The following SYNJ2 variants were observed in gnomAD, a reference collection of about 807,000 sequenced individuals.
SYNJ2 encodes synaptojanin 2.
A neutral mutation model predicts 141.3 loss-of-function variants in SYNJ2; 116 were observed. The ratio of observed to expected loss-of-function variants is 0.82; its 90% CI spans 0.71 to 0.96. The LOEUF (loss-of-function observed/expected upper bound fraction) is 0.96, where lower values mean the gene tolerates loss of function less well. Ranked by LOEUF, SYNJ2 falls within the 40% of genes least tolerant of loss-of-function variation. The pLI is 0.00. For synonymous variants in SYNJ2, 745 were observed against 777.7 expected (o/e 0.96, Z 0.70); for missense variants, 1,873 against 1,934.8 (o/e 0.97, Z 0.60).
chr6:158,083,931 C>A, intron 21 of SYNJ2, 70 bp from the exon 22 acceptor site: 1 of 1,554,446 alleles, frequency 6.4e-7, no homozygotes, highest in Non-Finnish European at 8.9e-7. Context: ...GAACCAGTCC[C>A]ACTGATGGAA....
chr6:158,081,161 C>G lies in SYNJ2; in HGVS notation c.2620C>G (p.Arg874Gly). 6.2e-7 allele frequency: 1 copy of G among 1,613,930 alleles called. No individual in the cohort carries two copies. The stretch of plus-strand genomic sequence containing the variant: ...AGTTCAGGAAGTCGATGTGGGTGCT[C>G]GGGAGAGGGTTTTCCAGGAAGTGTC... ...VEVQEVDVGA[R>G]ERVFQEVSSF... is the part of the protein sequence containing the mutation. Residue 874 changes from arginine to glycine, a missense_variant, in exon 19 of 27, where the codon CGG becomes GGG. By Grantham distance (125) the Arg-to-Gly change is moderately radical. Transcript: ENST00000355585.
chr6:158,078,365 C>G, intron 18 of SYNJ2, 84 bp downstream of exon 18: 2 of 880,566 alleles, frequency 2.3e-6, no homozygotes, highest in Non-Finnish European at 3.7e-6. Flanking sequence ...ATGCTGTCCC[C>G]ATAAGGATGT....
At chr6:158,090,541 T>TG (rs1783369170) in intron 25 of SYNJ2, among the ~76,000 whole-genome samples, 1 of 138,916 alleles carries the variant, frequency 7.2e-6, no homozygotes, top group Non-Finnish European at 1.6e-5. Context: ...TTTTTTTTTT[T>TG]GTTTTTTTTT....
rs1781857474 is a variant in SYNJ2, at chr6:158,070,604, T to C, written c.1940+931T>C. The C allele has an allele frequency of 2.8e-6, 2 of 714,972 alleles. No homozygotes were observed. Among genetic ancestry groups the C allele is most frequent in the South Asian group, 6.3e-5 (1 of 15,808 alleles). The allele number at this position is 714,972 out of a possible 1,614,324, so 44.3% of individuals were successfully genotyped here. On this transcript the variant is annotated intron_variant, in intron 14 of 26. Coordinates refer to ENST00000355585, the MANE Select transcript of SYNJ2 (RefSeq NM_003898.4). The surrounding 1 kb of genome is among the most constrained non-coding windows in gnomAD (Gnocchi z 4.0). ...GGAGAGCCAGGTTTCCCAGGCTCGG[T>C]GTCCTCGGCTTCACGTGCCTTTAGC...
intron 1 of SYNJ2, among the ~76,000 whole-genome samples, chr6:158,011,139 C>T (rs987561265): frequency 1.3e-5 from 2 of 151,924 alleles, no homozygotes; most frequent in East Asian, 3.9e-4. Context: ...CACATAACAA[C>T]GAGGGGACAT....
intron 3 of SYNJ2, chr6:158,030,664 G>C (rs1311660633): frequency 1.3e-5 from 2 of 152,354 alleles, no homozygotes; most frequent in Non-Finnish European, 2.9e-5. Context: ...GGCCAAGGCA[G>C]GCGGATCACC....
chr6:158,065,051 C>A, intron 11 of SYNJ2, 60 bp downstream of exon 11: 1 of 1,466,902 alleles, frequency 6.8e-7, no homozygotes, highest in South Asian at 1.4e-5. Flanking sequence ...GCCCCACTTT[C>A]CCACCGCCTC....
intron 22 of SYNJ2, among the ~76,000 whole-genome samples, chr6:158,086,017 C>T (rs1032180361): frequency 6.6e-6 from 1 of 152,150 alleles, no homozygotes; most frequent in African/African-American, 2.4e-5. Flanking sequence ...CATGAAGAAA[C>T]TAATAGCGCA....
At chr6:158,046,962 C>A (rs1220733037) in intron 5 of SYNJ2, among the ~76,000 whole-genome samples, 1 of 151,974 alleles carries the variant, frequency 6.6e-6, no homozygotes, top group Non-Finnish European at 1.5e-5. Flanking sequence ...AAGTTTCCTG[C>A]AACTGAACCA....
chr6:158,029,015 C>T lies in SYNJ2; in HGVS notation c.474C>T (p.Asn158=), dbSNP rs776463631. Residue 158 remains asparagine (N), a synonymous_variant, in exon 3 of 27, where the codon AAC becomes AAT. Transcript: ENST00000355585. The stretch of plus-strand genomic sequence containing the variant: ...GGGATGACAGCTCTGAATGGGGGAA[C>T]TCCTTCTTCTGGTGAGGCCCTGGGT... ...KQGDDSSEWG[N]SFFWNQLLHV... 12 of 1,433,776 alleles carry T rather than the reference C, an allele frequency of 8.4e-6. No individual in the cohort carries two copies. The highest frequency in any genetic ancestry group is 2.5e-5 in the African/African-American group (1 of 40,038). 88.8% of individuals were successfully genotyped at this position (1,433,776 alleles called of 1,614,324 possible).
chr6:158,023,490 G>C (rs1330362688), intron 2 of SYNJ2, among the ~76,000 whole-genome samples: 2 of 152,086 alleles, frequency 1.3e-5, no homozygotes, highest in African/African-American at 4.8e-5. Flanking sequence ...AGAGGCCTCT[G>C]TGGTTACACC....
chr6:158,043,564 G>A lies in SYNJ2; in HGVS notation c.795+165G>A, dbSNP rs567378320. ...AGCTGAGCTATCAAAGTGTGCACACGTGTGTGCATATGCATGCGTGCGTGT... is the reference window on the plus strand; with the variant it reads ...AGCTGAGCTATCAAAGTGTGCACACATGTGTGCATATGCATGCGTGCGTGT... On this transcript the variant is annotated intron_variant, in intron 5 of 26. Transcript: ENST00000355585. The surrounding 1 kb of genome is among the most constrained non-coding windows in gnomAD (Gnocchi z 4.0). Among the ~76,000 whole-genome samples the A allele has an allele frequency of 2.0e-5, 3 of 152,170 alleles. No individual in the cohort carries two copies. The highest frequency in any genetic ancestry group is 1.9e-4 in the East Asian group (1 of 5,184).
At chr6:157,998,492 G>A (rs558612495) in intron 1 of SYNJ2, among the ~76,000 whole-genome samples, 1 of 152,200 alleles carries the variant, frequency 6.6e-6, no homozygotes, top group Non-Finnish European at 1.5e-5. Flanking sequence ...GGGAACCAGA[G>A]CTAGATAATT....
rs186036848 is a variant in SYNJ2 at position 158,031,703 on chromosome 6, T to C, written c.486-1752T>C. Among the ~76,000 whole-genome samples, 66 of 152,142 alleles carry C rather than the reference T, an allele frequency of 4.3e-4. 1 individual carries two copies. The highest frequency in any genetic ancestry group is 1.6e-3 in the African/African-American group (66 of 41,530). ...ACATAAGGCAGAGTGAGCAGCAGGG[T>C]GAAGTCATCTTTCTGGGCTGGTAAT... is the stretch of plus-strand genomic sequence containing the variant. On this transcript the variant is annotated intron_variant, in intron 3 of 26. Coordinates refer to ENST00000355585, the MANE Select transcript of SYNJ2 (RefSeq NM_003898.4).
At chr6:158,072,835 C>T (rs1208370126) in intron 15 of SYNJ2, among the ~76,000 whole-genome samples, 1 of 151,768 alleles carries the variant, frequency 6.6e-6, no homozygotes, top group Non-Finnish European at 1.5e-5. Context: ...TTTGGGAGGC[C>T]GAGGCGGGCA....
intron 25 of SYNJ2, among the ~76,000 whole-genome samples, chr6:158,091,955 T>C (rs1391942969): frequency 6.6e-6 from 1 of 151,624 alleles, no homozygotes; most frequent in Non-Finnish European, 1.5e-5. Flanking sequence ...GGGTGGGGAG[T>C]GGCTGCTGTG....
At chr6:158,093,670 C>T (rs1234941801) in intron 26 of SYNJ2, among the ~76,000 whole-genome samples, 5 of 152,166 alleles carry the variant, frequency 3.3e-5, no homozygotes, top group East Asian at 3.9e-4. Context: ...AGGTATTATG[C>T]TTCCTAAGTG....
rs1779857091 is a variant in SYNJ2, at chr6:158,040,022, T to C, written c.712-3294T>C. 6.6e-6 allele frequency among the ~76,000 whole-genome samples: 1 copy of C among 152,180 alleles called. No individual in the cohort carries two copies. The highest frequency in any genetic ancestry group is 1.5e-5 in the Non-Finnish European group (1 of 68,026). On this transcript the variant is annotated intron_variant, in intron 4 of 26. Transcript: ENST00000355585. The surrounding 1 kb of genome is among the most constrained non-coding windows in gnomAD (Gnocchi z 4.2). ...CAGACTGGCTCCCTGTGGTGGGGAC[T>C]CTTGGCAGGCGGATCGGCTTCTTAG...
chr6:158,072,310 C>T (rs1169061329), intron 15 of SYNJ2, among the ~76,000 whole-genome samples: 2 of 152,254 alleles, frequency 1.3e-5, no homozygotes, highest in East Asian at 3.9e-4. Context: ...GTCCTCGAAG[C>T]TGCAATAGCG....
Sources: allele counts gnomAD v4.1 joint callset (sites outside exome capture counted in the v4.1 genomes callset), GRCh38; gene constraint gnomAD v4.1.1; non-coding constraint Gnocchi (gnomAD v3.1); transcripts MANE v1.5; gene names NCBI Gene and HGNC (gene_info 2026-07-23, HGNC 2026-07-21).